Variants in CADM2 observed in about 807,000 individuals in gnomAD.
CADM2 encodes the protein cell adhesion molecule 2.
Under a neutral mutation model 49.8 loss-of-function variants are expected in CADM2, and 12 were observed. The ratio of observed to expected loss-of-function variants is 0.24; its 90% CI spans 0.15 to 0.39. The LOEUF (loss-of-function observed/expected upper bound fraction) is 0.39, where lower values mean the gene tolerates loss of function less well. Ranked by LOEUF, CADM2 falls within the 10% of genes least tolerant of loss-of-function variation. The pLI is 1.00. For missense variants in CADM2, 378 were observed against 492.3 expected (o/e 0.77, Z 2.20); for synonymous variants, 214 against 175.4 (o/e 1.22, Z -1.74).
chr3:85,661,637 TTCATC>T (rs2065408450), intron 1 of CADM2, among the ~76,000 whole-genome samples: 1 of 152,060 alleles, frequency 6.6e-6, no homozygotes, highest in South Asian at 2.1e-4. Context: ...CTAAGTATTT[TTCATC>T]TCAACTTTAT....
chr3:85,995,014 T>TAAAA (rs59038758), intron 8 of CADM2, among the ~76,000 whole-genome samples: 8 of 83,024 alleles, frequency 9.6e-5, no homozygotes, highest in East Asian at 4.3e-4. Flanking sequence ...TTCGATTTGT[T>TAAAA]AAAAAAAAAA....
At chr3:85,337,042 T>A (rs1232425192) in intron 1 of CADM2, among the ~76,000 whole-genome samples, 4 of 140,696 alleles carry the variant, frequency 2.8e-5, no homozygotes, top group African/African-American at 1.1e-4. Context: ...TATATATATA[T>A]AAATATATAT....
chr3:85,033,747 T>A lies in CADM2; in HGVS notation c.61+74079T>A, dbSNP rs538848069. Among the ~76,000 whole-genome samples the A allele has an allele frequency of 6.2e-4, 94 of 152,230 alleles. No homozygotes were observed. In the Middle Eastern group the frequency reaches 0.017, roughly 28 times the overall value. Reference sequence around the variant, plus strand: ...ATTAAAAGTTTCTGAATATGTGTAGTTTGTGTGTGGGGAAAGAGAATGCAA... The same window carrying A: ...ATTAAAAGTTTCTGAATATGTGTAGATTGTGTGTGGGGAAAGAGAATGCAA... On this transcript the variant is annotated intron_variant, in intron 1 of 9. Coordinates refer to ENST00000383699, the MANE Select transcript of CADM2 (RefSeq NM_001167675.2).
At chr3:85,490,694 C>A (rs565873974) in intron 1 of CADM2, among the ~76,000 whole-genome samples, 1 of 152,274 alleles carries the variant, frequency 6.6e-6, no homozygotes, top group South Asian at 2.1e-4. Context: ...AAATGACCCA[C>A]TGTTATTACT....
chr3:85,821,360 C>T (rs1003513201), intron 3 of CADM2, among the ~76,000 whole-genome samples: 4 of 152,102 alleles, frequency 2.6e-5, no homozygotes, highest in African/African-American at 7.2e-5. Flanking sequence ...CTTCATCTGT[C>T]CTGGGTATCT....
chr3:85,421,818 C>A (rs1205584137), intron 1 of CADM2, among the ~76,000 whole-genome samples: 1 of 152,170 alleles, frequency 6.6e-6, no homozygotes, highest in African/African-American at 2.4e-5. Context: ...AGCAATTACA[C>A]AAGTAAATAC....
At chr3:86,017,399 C>T (rs950695094) in intron 8 of CADM2, among the ~76,000 whole-genome samples, 5 of 151,778 alleles carry the variant, frequency 3.3e-5, no homozygotes, top group Admixed American at 2.6e-4. Context: ...AATATTTTTA[C>T]TTGATCATAA....
At chr3:85,638,430 C>T (rs1266803682) in intron 1 of CADM2, among the ~76,000 whole-genome samples, 1 of 151,992 alleles carries the variant, frequency 6.6e-6, no homozygotes, top group Admixed American at 6.6e-5. Context: ...TATTTTCAAA[C>T]ATTGAACATT....
At chr3:86,056,025 A>G (rs1051308533) in intron 8 of CADM2, among the ~76,000 whole-genome samples, 85 of 152,174 alleles carry the variant, frequency 5.6e-4, no homozygotes, top group African/African-American at 1.9e-3. Flanking sequence ...AAATGGCCCC[A>G]TGGTAATCCA....
intron 1 of CADM2, among the ~76,000 whole-genome samples, chr3:85,395,161 A>T (rs1001397975): frequency 6.6e-6 from 1 of 151,852 alleles, no homozygotes; most frequent in Non-Finnish European, 1.5e-5. Flanking sequence ...AGCCAGGTGT[A>T]TTGGTGCATA....
At chr3:85,834,563 AT>A (rs1232324635) in intron 3 of CADM2, among the ~76,000 whole-genome samples, 2 of 151,732 alleles carry the variant, frequency 1.3e-5, no homozygotes, top group East Asian at 3.9e-4. Flanking sequence ...TTGGACAATT[AT>A]TTTTTGAGAA....
At chr3:85,157,962 A>G (rs2040192289) in intron 1 of CADM2, among the ~76,000 whole-genome samples, 1 of 152,110 alleles carries the variant, frequency 6.6e-6, no homozygotes, top group Admixed American at 6.5e-5. Context: ...GCTAATATCC[A>G]GAATCTACAA....
rs533575734 is a variant in CADM2, at chr3:85,221,978, G to A, written c.61+262310G>A. 9.1e-4 allele frequency among the ~76,000 whole-genome samples: 139 copies of A among 152,138 alleles called. 1 individual carries two copies. The highest frequency in any genetic ancestry group is 3.3e-3 in the African/African-American group (135 of 41,520). On this transcript the variant is annotated intron_variant, in intron 1 of 9. Coordinates refer to ENST00000383699, the MANE Select transcript of CADM2 (RefSeq NM_001167675.2). ...AAGAAGAAAATTTAACAGGGAAATC[G>A]ATATTTTATCACAATGAAGTTAATG...
intron 1 of CADM2, among the ~76,000 whole-genome samples, chr3:85,007,196 C>A (rs73843262): frequency 0.024 from 3,586 of 152,028 alleles, 152 homozygotes; most frequent in African/African-American, 0.082. Flanking sequence ...AGAAAAAATT[C>A]TCGAATCAGG....
chr3:85,250,322 T>A (rs1387892710), intron 1 of CADM2, among the ~76,000 whole-genome samples: 2 of 151,652 alleles, frequency 1.3e-5, no homozygotes, highest in East Asian at 1.9e-4. Context: ...AAAACTATCT[T>A]ACACTTAAAA....
intron 1 of CADM2, among the ~76,000 whole-genome samples, chr3:85,637,178 TGAA>T (rs1454374954): frequency 5.9e-5 from 9 of 152,184 alleles, no homozygotes; most frequent in Non-Finnish European, 1.0e-4. Flanking sequence ...TTTTTTGAAA[TGAA>T]GAAAAGATAA....
intron 1 of CADM2, among the ~76,000 whole-genome samples, chr3:85,190,148 C>A (rs1402492552): frequency 2.0e-5 from 3 of 151,748 alleles, no homozygotes; most frequent in African/African-American, 7.3e-5. Flanking sequence ...TAGGTCTAGA[C>A]CACACTCAAA....
At chr3:86,019,601 GT>G (rs1732846056) in intron 8 of CADM2, among the ~76,000 whole-genome samples, 1 of 150,898 alleles carries the variant, frequency 6.6e-6, no homozygotes, top group Non-Finnish European at 1.5e-5. Flanking sequence ...CACATCCCTT[GT>G]AAGTTGGATT....
At chr3:85,281,462 A>T (rs975819695) in intron 1 of CADM2, among the ~76,000 whole-genome samples, 1 of 151,990 alleles carries the variant, frequency 6.6e-6, no homozygotes, top group Admixed American at 6.6e-5. Context: ...TATTATTTCA[A>T]TTTTTTTAAC....
Sources: gnomAD v4.1 joint callset for allele counts (sites outside exome capture counted in the v4.1 genomes callset) on GRCh38, gnomAD v4.1.1 for gene constraint, MANE v1.5 for transcripts, NCBI Gene and HGNC (gene_info 2026-07-23, HGNC 2026-07-21) for gene names.